COLEC11: variants seen among roughly 807,000 people sequenced by gnomAD.
COLEC11 encodes collectin-11.
COLEC11 carries 20 observed loss-of-function variants against 27.3 expected under a neutral mutation model. That is an observed-to-expected ratio of 0.73 (90% confidence interval 0.51 to 1.06). The LOEUF is 1.06. Among genes scored for constraint, COLEC11 ranks in the 50% least tolerant of loss-of-function variants. COLEC11 has a pLI of 0.00. For missense variants in COLEC11, 310 were observed against 383.0 expected, an observed-to-expected ratio of 0.81 and a Z score of 1.59; for synonymous variants, 163 against 154.7, an observed-to-expected ratio of 1.05 and a Z score of -0.40.
intron 2 of COLEC11, chr2:3,606,365 G>A: frequency 1.2e-6 from 1 of 841,176 alleles, no homozygotes; most frequent in South Asian, 1.6e-5. Flanking sequence ...TCCCCTGGAT[G>A]TGCTGTCATT....
chr2:3,633,597 C>T (rs1271945781), intron 3 of COLEC11, among the ~76,000 whole-genome samples: 1 of 151,946 alleles, frequency 6.6e-6, no homozygotes, highest in Non-Finnish European at 1.5e-5. Context: ...GCCTGGACCT[C>T]CTCGCGAGGG....
intron 3 of COLEC11, among the ~76,000 whole-genome samples, chr2:3,618,794 A>G (rs1572426947): frequency 6.9e-6 from 1 of 145,112 alleles, no homozygotes. Flanking sequence ...TTGAAATATT[A>G]ATTCTTTTGA....
intron 6 of COLEC11, 81 bp from the exon 7 acceptor site, chr2:3,643,637 TGCCCTGCCG>T: frequency 6.2e-7 from 1 of 1,602,146 alleles, no homozygotes; most frequent in Non-Finnish European, 8.5e-7. Flanking sequence ...CTGCCCTGCC[TGCCCTGCCG>T]GCCCCTGCTG....
In COLEC11 at chr2:3,613,353, C is replaced by G; in HGVS notation, c.173C>G (p.Pro58Arg). 1 of 1,607,968 alleles carries G rather than the reference C, an allele frequency of 6.2e-7. No individual in the cohort carries two copies. Among genetic ancestry groups the G allele is most frequent in the Non-Finnish European group, 8.5e-7 (1 of 1,177,416 alleles). Reference protein sequence around the residue: ...EKGDKGAPGRPGRVGPTGEKG... With the variant: ...EKGDKGAPGRRGRVGPTGEKG... ...GGAGACAAAGGCGCCCCCGGACGGCCTGGAAGAGTCGGCCCCACGGGAGAA... is the reference window on the plus strand; with the variant it reads ...GGAGACAAAGGCGCCCCCGGACGGCGTGGAAGAGTCGGCCCCACGGGAGAA... The change falls in exon 3 of 7, where the codon CCT becomes CGT. Residue 58 changes from proline (P) to arginine (R), a missense_variant. Pro to Arg is a moderately radical substitution (Grantham distance 103). Transcript: ENST00000349077.
At chr2:3,611,926 C>T (rs578179392) in intron 2 of COLEC11, among the ~76,000 whole-genome samples, 124 of 147,770 alleles carry the variant, frequency 8.4e-4, no homozygotes, top group African/African-American at 3.1e-3. Flanking sequence ...ACCGAGGGCA[C>T]GAGCTGGTCC....
intron 3 of COLEC11, among the ~76,000 whole-genome samples, chr2:3,636,752 T>C (rs10183413): frequency 0.81 from 122,815 of 152,048 alleles, 49,823 homozygotes; most frequent in East Asian, 0.89. Flanking sequence ...CGGGAGGGAG[T>C]ACTGAGAAAC....
chr2:3,633,737 G>T (rs892621925), intron 3 of COLEC11, among the ~76,000 whole-genome samples: 1 of 152,192 alleles, frequency 6.6e-6, no homozygotes, highest in Non-Finnish European at 1.5e-5. Flanking sequence ...CTGGAATAGT[G>T]CGGTGGAGAG....
intron 3 of COLEC11, among the ~76,000 whole-genome samples, chr2:3,633,003 A>C (rs1487076855): frequency 6.6e-6 from 1 of 152,190 alleles, no homozygotes; most frequent in African/African-American, 2.4e-5. Context: ...AAAGATGGGG[A>C]GGGCGCGAGG....
At chr2:3,607,095 T>G (rs377329324) in intron 2 of COLEC11, among the ~76,000 whole-genome samples, 2 of 118,284 alleles carry the variant, frequency 1.7e-5, no homozygotes, top group Admixed American at 1.0e-4. Flanking sequence ...CACAACCCCC[T>G]GTGTTTTGGA....
chr2:3,621,926 C>T (rs1435533226), intron 3 of COLEC11, among the ~76,000 whole-genome samples: 1 of 152,052 alleles, frequency 6.6e-6, no homozygotes, highest in African/African-American at 2.4e-5. Context: ...CACCTGTAAT[C>T]CTGGCACTTT....
chr2:3,629,612 G>A (rs1664822516), intron 3 of COLEC11, among the ~76,000 whole-genome samples: 1 of 152,184 alleles, frequency 6.6e-6, no homozygotes, highest in Admixed American at 6.5e-5. Flanking sequence ...ATGTGCATAT[G>A]AGCATTTGTG....
At chr2:3,605,703 C>A (rs540449754) in intron 2 of COLEC11, 1 of 206,124 alleles carries the variant, frequency 4.9e-6, no homozygotes, top group Non-Finnish European at 1.0e-5. Context: ...GGAGCGTCTG[C>A]GGCTCTTTTT....
At chr2:3,629,906 G>GTATA (rs1664849383) in intron 3 of COLEC11, among the ~76,000 whole-genome samples, 1 of 152,166 alleles carries the variant, frequency 6.6e-6, no homozygotes, top group Admixed American at 6.5e-5. Flanking sequence ...TAAGTTTTAT[G>GTATA]TATGTGTATA....
At chr2:3,623,581 C>G (rs568982366) in intron 3 of COLEC11, among the ~76,000 whole-genome samples, 16 of 152,078 alleles carry the variant, frequency 1.1e-4, no homozygotes, top group African/African-American at 3.6e-4. Flanking sequence ...CAATTCTGCT[C>G]TTGATGCTGT....
intron 3 of COLEC11, among the ~76,000 whole-genome samples, chr2:3,627,255 C>T (rs1290383813): frequency 1.3e-5 from 2 of 150,318 alleles, no homozygotes; most frequent in African/African-American, 4.9e-5. Context: ...TTCGCCTGGG[C>T]ATGATGACGC....
At chr2:3,629,415 A>T (rs1664805550) in intron 3 of COLEC11, among the ~76,000 whole-genome samples, 1 of 152,220 alleles carries the variant, frequency 6.6e-6, no homozygotes, top group South Asian at 2.1e-4. Flanking sequence ...TGGGGTTCTC[A>T]GTTTAAGCCT....
rs1023668823 is a variant in COLEC11 at position 3,644,073 on chromosome 2, C to T, written c.771C>T (p.His257=). The T allele has an allele frequency of 6.2e-7, 1 of 1,613,684 alleles. No homozygotes were observed. Among genetic ancestry groups the T allele is most frequent in the Non-Finnish European group, 8.5e-7 (1 of 1,180,044 alleles). ...ASGGWNDVAC[H]TTMYFMCEFD... ...GCGGCTGGAACGACGTGGCCTGCCACACCACCATGTACTTCATGTGTGAGT... is the reference window on the plus strand; with the variant it reads ...GCGGCTGGAACGACGTGGCCTGCCATACCACCATGTACTTCATGTGTGAGT... The change falls in exon 7 of 7, where the codon CAC becomes CAT. Residue 257 remains histidine, a synonymous_variant. Transcript: ENST00000349077.
chr2:3,636,122 C>T (rs1166731938), intron 3 of COLEC11, among the ~76,000 whole-genome samples: 3 of 152,222 alleles, frequency 2.0e-5, no homozygotes, highest in Non-Finnish European at 2.9e-5. Flanking sequence ...CAGGTGGCGT[C>T]ACTGCAGGAC....
Position 3,643,451 on chromosome 2 carries a change from A to T in COLEC11, c.336A>T (p.Pro112=). 1 of 1,613,456 alleles carries T rather than the reference A, an allele frequency of 6.2e-7. No homozygotes were observed. Among genetic ancestry groups the T allele is most frequent in the Non-Finnish European group, 8.5e-7 (1 of 1,179,788 alleles). ...PPGPNGEPGL[P]CECSQLRKAI... Reference sequence around the variant, plus strand: ...TGGGCCTGGCCCCCGCAGGCCTCCCATGTGAGTGCAGCCAGCTGCGCAAGG... The same window carrying T: ...TGGGCCTGGCCCCCGCAGGCCTCCCTTGTGAGTGCAGCCAGCTGCGCAAGG... Residue 112 remains proline, a synonymous_variant, in exon 6 of 7, where the codon CCA becomes CCT. Coordinates refer to ENST00000349077, the MANE Select transcript of COLEC11 (RefSeq NM_024027.5).
Sources: gnomAD v4.1 joint callset for allele counts (sites outside exome capture counted in the v4.1 genomes callset) on GRCh38, gnomAD v4.1.1 for gene constraint, MANE v1.5 for transcripts, NCBI Gene and HGNC (gene_info 2026-07-23, HGNC 2026-07-21) for gene names.